The following UAP1 variants were observed in gnomAD, a reference collection of about 807,000 sequenced individuals.
UAP1 encodes the protein UDP-N-acetylhexosamine pyrophosphorylase.
Under a neutral mutation model 58.5 loss-of-function variants are expected in UAP1, and 25 were observed. The observed-to-expected ratio is 0.43, with a 90% confidence interval of 0.31 to 0.60. The LOEUF (loss-of-function observed/expected upper bound fraction) is 0.60. Among genes scored for constraint, UAP1 ranks in the 20% least tolerant of loss-of-function variants. The pLI is 0.11. For synonymous variants in UAP1, 208 were observed against 213.0 expected, an observed-to-expected ratio of 0.98 and a Z score of 0.21; for missense variants, 575 against 630.0, an observed-to-expected ratio of 0.91 and a Z score of 0.93.
chr1:162,581,886 A>G (rs1654610539), intron 5 of UAP1, among the ~76,000 whole-genome samples: 1 of 152,152 alleles, frequency 6.6e-6, no homozygotes, highest in East Asian at 1.9e-4. Flanking sequence ...TCTTTCGAAT[A>G]AGATAGAAAT....
chr1:162,582,578 T>C lies in UAP1; in HGVS notation c.834+1119T>C, dbSNP rs182744878. Among the ~76,000 whole-genome samples, 31 of 152,320 alleles carry C rather than the reference T, an allele frequency of 2.0e-4. No individual in the cohort carries two copies. In the East Asian group the frequency reaches 2.9e-3, roughly 14 times the overall value. On this transcript the variant is annotated intron_variant, in intron 5 of 10. Coordinates refer to ENST00000271469, the Ensembl canonical transcript of UAP1. ...CTCTCTGTCAAAGCTCATACAAATA[T>C]CAGTTTTAGGTGGATTACACAGTTA...
At chr1:162,589,167 ATATAAATAT>A (rs1655118564) in intron 7 of UAP1, among the ~76,000 whole-genome samples, 3 of 105,790 alleles carry the variant, frequency 2.8e-5, no homozygotes, top group African/African-American at 1.1e-4. Context: ...TATATATAAT[ATATAAATAT>A]TATATATAAT....
intron 2 of UAP1, among the ~76,000 whole-genome samples, chr1:162,573,007 T>G (rs542813645): frequency 6.6e-6 from 1 of 152,332 alleles, no homozygotes; most frequent in South Asian, 2.1e-4. Flanking sequence ...AGAATTAAAT[T>G]TATTTTCTAG....
At chr1:162,599,080 T>G (rs767570565) in intron 10 of UAP1, among the ~76,000 whole-genome samples, 191 bp from the exon 11 acceptor site, 5 of 152,180 alleles carry the variant, frequency 3.3e-5, no homozygotes, top group Non-Finnish European at 7.3e-5. Flanking sequence ...TCTTTTTATA[T>G]TTTTGTTTTA....
intron 2 of UAP1, among the ~76,000 whole-genome samples, chr1:162,575,192 C>A: frequency 6.6e-6 from 1 of 152,160 alleles, no homozygotes; most frequent in Non-Finnish European, 1.5e-5. Flanking sequence ...CCTCAGCCTC[C>A]TGAGTAGCTG....
At chr1:162,588,107 C>G (rs1405851511) in intron 6 of UAP1, 1 of 155,818 alleles carries the variant, frequency 6.4e-6, no homozygotes, top group African/African-American at 2.4e-5. Flanking sequence ...CAGCTGATTC[C>G]CAGGCTGGCA....
At chr1:162,584,807 C>T (rs1654807567) in intron 5 of UAP1, among the ~76,000 whole-genome samples, 1 of 151,858 alleles carries the variant, frequency 6.6e-6, no homozygotes. Context: ...AGGCCCCTGT[C>T]TTGGTGCATT....
intron 1 of UAP1, among the ~76,000 whole-genome samples, chr1:162,562,029 G>T (rs1216178590): frequency 6.6e-6 from 1 of 152,242 alleles, no homozygotes; most frequent in African/African-American, 2.4e-5. Flanking sequence ...CTGGGCAGCC[G>T]GGTGGATGGC....
At position 162,562,115 on chromosome 1, in the gene UAP1, T is replaced by A. The variant is rs926160303; in HGVS notation, c.-58+338T>A. 6.8e-4 allele frequency among the ~76,000 whole-genome samples: 103 copies of A among 152,112 alleles called. 1 individual carries two copies. Among genetic ancestry groups the A allele is most frequent in the African/African-American group, 2.3e-3 (96 of 41,506 alleles). ...GAGGAGGTCTGGGCCAGTGTCTGAGTCCGAGGGGGTCGTGTAGGCGTGTGG... is the reference window on the plus strand; with the variant it reads ...GAGGAGGTCTGGGCCAGTGTCTGAGACCGAGGGGGTCGTGTAGGCGTGTGG... On this transcript the variant is annotated intron_variant, in intron 1 of 10. Transcript: ENST00000271469.
chr1:162,579,514 T>C, exon 4 of UAP1: 8 of 1,611,918 alleles, frequency 5.0e-6, no homozygotes, highest in East Asian at 2.2e-5. Context: ...AAAGAGAATG[T>C]AATCTTTTTT....
intron 5 of UAP1, among the ~76,000 whole-genome samples, chr1:162,584,169 T>A (rs1194391558): frequency 6.6e-6 from 1 of 152,220 alleles, no homozygotes; most frequent in African/African-American, 2.4e-5. Context: ...CTCCTCTCCA[T>A]TACCTGTGGG....
intron 5 of UAP1, among the ~76,000 whole-genome samples, chr1:162,585,673 A>G (rs551206620): frequency 4.6e-5 from 7 of 152,314 alleles, no homozygotes; most frequent in African/African-American, 1.7e-4. Context: ...AATAGTTGCC[A>G]TAGAAGTAAA....
chr1:162,569,377 T>G (rs1302487293), intron 2 of UAP1, among the ~76,000 whole-genome samples: 2 of 152,232 alleles, frequency 1.3e-5, no homozygotes, highest in Admixed American at 1.3e-4. Flanking sequence ...ATTATTTATT[T>G]CTGAAGGTCG....
At position 162,592,790 on chromosome 1, in the gene UAP1, T is replaced by C. The variant is rs894771131; in HGVS notation, c.1409+8T>C. The C allele has an allele frequency of 1.2e-5, 19 of 1,548,882 alleles. No homozygotes were observed. The highest frequency in any genetic ancestry group is 9.8e-5 in the Admixed American group (5 of 50,974). On this transcript the variant is annotated splice_region_variant and intron_variant, in intron 9 of 10. Coordinates refer to ENST00000271469, the Ensembl canonical transcript of UAP1. Reference sequence around the variant, plus strand: ...AGCTGATGTCAATCACAAGTAAATATACCAGCCTGCCTACAGTGCATGGTG... The same window carrying C: ...AGCTGATGTCAATCACAAGTAAATACACCAGCCTGCCTACAGTGCATGGTG...
intron 1 of UAP1, among the ~76,000 whole-genome samples, chr1:162,562,764 T>C (rs1653239354): frequency 6.6e-6 from 1 of 152,202 alleles, no homozygotes; most frequent in Non-Finnish European, 1.5e-5. Context: ...TCATAGGCTG[T>C]GCTGCCAAGC....
At chr1:162,585,505 A>AC (rs1384364895) in intron 5 of UAP1, among the ~76,000 whole-genome samples, 1 of 151,752 alleles carries the variant, frequency 6.6e-6, no homozygotes, top group Non-Finnish European at 1.5e-5. Flanking sequence ...CAGATGATAC[A>AC]CCCACCTCAG....
chr1:162,574,258 A>C (rs1265251478), intron 2 of UAP1, among the ~76,000 whole-genome samples: 1 of 151,762 alleles, frequency 6.6e-6, no homozygotes, highest in African/African-American at 2.4e-5. Flanking sequence ...ACACCCAGCT[A>C]ATTTTTGTAT....
At chr1:162,597,747 A>G (rs1456207926) in intron 9 of UAP1, 45 bp from the exon 10 acceptor site, 1 of 1,547,248 alleles carries the variant, frequency 6.5e-7, no homozygotes, top group Admixed American at 1.8e-5. Flanking sequence ...CTGGCAAGTA[A>G]CATGGGAAGC....
At chr1:162,592,647 C>T (rs186532249) in intron 8 of UAP1, 85 bp from the exon 9 acceptor site, 12 of 992,142 alleles carry the variant, frequency 1.2e-5, no homozygotes, top group South Asian at 5.6e-5. Context: ...ACATACCATT[C>T]AATCAAGTAT....
Sources: allele counts gnomAD v4.1 joint callset (sites outside exome capture counted in the v4.1 genomes callset), GRCh38; gene constraint gnomAD v4.1.1; transcripts MANE v1.5; gene names NCBI Gene and HGNC (gene_info 2026-07-23, HGNC 2026-07-21).